The following SORBS2 variants were observed in gnomAD, a reference collection of about 807,000 sequenced individuals.
SORBS2 encodes the protein sorbin and SH3 domain containing 2, also known as sorbin and SH3 domain-containing protein 2.
Under a neutral mutation model 97.7 loss-of-function variants are expected in SORBS2, and 46 were observed. The observed-to-expected ratio is 0.47, with a 90% CI of 0.37 to 0.60. The LOEUF (loss-of-function observed/expected upper bound fraction) is 0.60, where lower values mean the gene tolerates loss of function less well. Ranked by LOEUF, SORBS2 falls within the 20% of genes least tolerant of loss-of-function variation. SORBS2 has a pLI of 0.00. For synonymous variants in SORBS2, 476 were observed against 473.4 expected (o/e 1.01, Z -0.07); for missense variants, 1,316 against 1,282.3 (o/e 1.03, Z -0.40).
intron 2 of SORBS2, among the ~76,000 whole-genome samples, chr4:185,730,821 C>T (rs184290119): frequency 6.6e-6 from 1 of 152,336 alleles, no homozygotes; most frequent in Non-Finnish European, 1.5e-5. Flanking sequence ...TACCTGGCTG[C>T]CTGCTGGGAA....
At chr4:185,644,681 T>C (rs1457716559) in intron 4 of SORBS2, among the ~76,000 whole-genome samples, 3 of 152,202 alleles carry the variant, frequency 2.0e-5, no homozygotes, top group South Asian at 2.1e-4. Context: ...CTGGAAACTT[T>C]ACATGAGATA....
intron 2 of SORBS2, among the ~76,000 whole-genome samples, chr4:185,727,705 C>T (rs2098568232): frequency 6.6e-6 from 1 of 152,144 alleles, no homozygotes; most frequent in Admixed American, 6.5e-5. Flanking sequence ...ACAAAAATGT[C>T]CCATGATTAG....
At chr4:185,657,423 C>A, upstream of SORBS2, 1 of 1,537,644 alleles carries the variant, frequency 6.5e-7, no homozygotes, top group Admixed American at 2.3e-5. Flanking sequence ...GCATTTCCTA[C>A]CGTTCTAATT....
At chr4:185,818,390 C>T (rs1224823245) in intron 1 of SORBS2, among the ~76,000 whole-genome samples, 1 of 152,030 alleles carries the variant, frequency 6.6e-6, no homozygotes, top group Non-Finnish European at 1.5e-5. Context: ...GGAGTTTCAC[C>T]ATGTTAGCCA....
intron 1 of SORBS2, among the ~76,000 whole-genome samples, chr4:185,854,256 G>A (rs1392407790): frequency 6.6e-6 from 1 of 152,132 alleles, no homozygotes; most frequent in Non-Finnish European, 1.5e-5. Flanking sequence ...AGTAATAATT[G>A]TTCATTTTTA....
At chr4:185,649,365 C>T (rs919390862) in intron 3 of SORBS2, 102 bp downstream of exon 12, 24 of 945,418 alleles carry the variant, frequency 2.5e-5, no homozygotes, top group South Asian at 6.0e-5. Context: ...ATTACACATC[C>T]GCTCTCTCTG....
chr4:185,876,398 A>G (rs113800061), intron 1 of SORBS2, among the ~76,000 whole-genome samples: 11,946 of 152,246 alleles, frequency 0.078, 590 homozygotes, highest in Non-Finnish European at 0.11. Context: ...GTGAGCCACC[A>G]TACCTGGCCT....
intron 4 of SORBS2, chr4:185,677,689 G>A: frequency 1.4e-6 from 2 of 1,404,772 alleles, no homozygotes; most frequent in South Asian, 1.5e-5. Flanking sequence ...AAGAAAAACA[G>A]AGAAAGTCCA....
At position 185,684,976 on chromosome 4, in the gene SORBS2, T is replaced by C. The variant is rs570969745; in HGVS notation, c.-197-6154A>G. 2,262 of 675,720 alleles carry C rather than the reference T, an allele frequency of 3.3e-3. 5 individuals carry two copies. The highest frequency in any genetic ancestry group is 4.8e-3 in the Non-Finnish European group (1,917 of 396,070). The allele number at this position is 675,720 out of a possible 1,614,324, so 41.9% of individuals were successfully genotyped here. A position where few individuals can be genotyped will look rare whatever the true frequency, so the allele number is the denominator to read the frequency against. ...ACAGTTAGAATTAGTAATCATGGAA[T>C]GCACCTGCCAATTTCACACCACCCT... On this transcript the variant is annotated intron_variant, in intron 2 of 20. Transcript: ENST00000284776. This position sits in a 1 kb window ranked among gnomAD's most constrained non-coding sequence, Gnocchi z 4.2.
chr4:185,776,111 A>G (rs182162122), intron 1 of SORBS2, among the ~76,000 whole-genome samples: 1 of 152,328 alleles, frequency 6.6e-6, no homozygotes, highest in East Asian at 1.9e-4. Context: ...AGTCGTATTC[A>G]TTCATTCATT....
chr4:185,747,088 A>T (rs2098766409), intron 2 of SORBS2, among the ~76,000 whole-genome samples: 1 of 152,142 alleles, frequency 6.6e-6, no homozygotes, highest in African/African-American at 2.4e-5. Flanking sequence ...TCTCGAAACA[A>T]AAAAGGAGGA....
chr4:185,772,515 GA>G (rs1460262841), intron 2 of SORBS2: 4 of 152,176 alleles, frequency 2.6e-5, no homozygotes, highest in Admixed American at 2.6e-4. Flanking sequence ...CACGAGCACA[GA>G]GGTATATTTA....
intron 1 of SORBS2, among the ~76,000 whole-genome samples, chr4:185,934,271 C>T (rs750636299): frequency 2.6e-5 from 4 of 152,130 alleles, no homozygotes; most frequent in Non-Finnish European, 5.9e-5. Flanking sequence ...TTTTCAGAAC[C>T]GCTCTTCATG....
intron 1 of SORBS2, among the ~76,000 whole-genome samples, chr4:185,881,246 T>C (rs765706174): frequency 1.3e-5 from 2 of 151,982 alleles, no homozygotes; most frequent in African/African-American, 2.4e-5. Context: ...GCAATCAACA[T>C]ATGAGAGTGA....
intron 1 of SORBS2, among the ~76,000 whole-genome samples, chr4:185,906,772 G>A (rs949786284): frequency 1.3e-5 from 2 of 152,244 alleles, no homozygotes; most frequent in East Asian, 1.9e-4. Flanking sequence ...TCTAATAAAT[G>A]AATCTTTTGC....
In SORBS2 at chr4:185,751,645, ATG is replaced by A. The variant is rs111538779; in HGVS notation, c.-198+23580_-198+23581del. ...ACATACTGACCACAACAGAGACAGA[ATG>A]TGTGTGTGTGCACACGTACACATGA... On this transcript the variant is annotated intron_variant, in intron 2 of 20. Coordinates refer to the SORBS2 transcript ENST00000284776. Among the ~76,000 whole-genome samples the A allele has an allele frequency of 9.6e-4, 146 of 152,150 alleles. 1 individual carries two copies. Among genetic ancestry groups the A allele is most frequent in the Middle Eastern group, 3.4e-3 (1 of 294 alleles).
chr4:185,702,951 T>A (rs1236526718), intron 2 of SORBS2, among the ~76,000 whole-genome samples: 1 of 152,184 alleles, frequency 6.6e-6, no homozygotes, highest in East Asian at 1.9e-4. Flanking sequence ...CAATATTTAA[T>A]GACTCATTCA....
chr4:185,637,317 C>T (rs1387497885), intron 4 of SORBS2, among the ~76,000 whole-genome samples: 2 of 152,178 alleles, frequency 1.3e-5, no homozygotes, highest in African/African-American at 4.8e-5. Flanking sequence ...AGGTTTGTAG[C>T]CCAGGAGCAA....
chr4:185,732,982 A>T (rs2098654283), intron 2 of SORBS2, among the ~76,000 whole-genome samples: 1 of 152,198 alleles, frequency 6.6e-6, no homozygotes, highest in Non-Finnish European at 1.5e-5. Flanking sequence ...GCCAGCAACC[A>T]CCAGAAGTGG....
Sources: allele counts gnomAD v4.1 joint callset (sites outside exome capture counted in the v4.1 genomes callset), GRCh38; gene constraint gnomAD v4.1.1; non-coding constraint Gnocchi (gnomAD v3.1); transcripts MANE v1.5; gene names NCBI Gene and HGNC (gene_info 2026-07-23, HGNC 2026-07-21).